The following PPARD variants were observed in gnomAD, a reference collection of about 807,000 sequenced individuals.
PPARD encodes peroxisome proliferator activated receptor delta, also known as peroxisome proliferator-activated receptor delta.
A neutral mutation model predicts 39.5 loss-of-function variants in PPARD; 6 were observed. The ratio of observed to expected loss-of-function variants is 0.15; its 90% CI spans 0.08 to 0.30. PPARD has a LOEUF of 0.30. Ranked by LOEUF, PPARD falls within the 10% of genes least tolerant of loss-of-function variation. The pLI is 1.00. For synonymous variants in PPARD, 210 were observed against 231.3 expected (o/e 0.91, Z 0.83); for missense variants, 397 against 596.8 (o/e 0.67, Z 3.49).
intron 2 of PPARD, among the ~76,000 whole-genome samples, chr6:35,386,534 G>C (rs1763671147): frequency 6.6e-6 from 1 of 151,928 alleles, no homozygotes. Context: ...TTGGTACTTG[G>C]CTTTTTGGAT....
intron 2 of PPARD, among the ~76,000 whole-genome samples, chr6:35,384,618 G>T (rs1763458882): frequency 1.4e-5 from 1 of 69,128 alleles, no homozygotes; most frequent in Admixed American, 1.2e-4. Flanking sequence ...AGGTGGGGGG[G>T]TCAGGCCCCG....
At chr6:35,419,723 A>G (rs1766015059) in intron 3 of PPARD, among the ~76,000 whole-genome samples, 1 of 152,148 alleles carries the variant, frequency 6.6e-6, no homozygotes, top group African/African-American at 2.4e-5. Flanking sequence ...CACGGTGGCA[A>G]CCTCTGAACC....
intron 3 of PPARD, among the ~76,000 whole-genome samples, chr6:35,411,730 T>C (rs913605869): frequency 6.6e-6 from 1 of 152,210 alleles, no homozygotes; most frequent in Non-Finnish European, 1.5e-5. Context: ...TCAACTAATA[T>C]TATTTTTATG....
At chr6:35,357,876 A>G (rs1761711415) in intron 2 of PPARD, among the ~76,000 whole-genome samples, 1 of 152,154 alleles carries the variant, frequency 6.6e-6, no homozygotes, top group Non-Finnish European at 1.5e-5. Context: ...AGTTAAAGAA[A>G]GACCCTGGCC....
chr6:35,371,436 T>C (rs1762479109), intron 2 of PPARD, among the ~76,000 whole-genome samples: 2 of 152,142 alleles, frequency 1.3e-5, no homozygotes, highest in Non-Finnish European at 2.9e-5. Flanking sequence ...AAAGTTCTTT[T>C]CTCCTGAAAA....
At chr6:35,375,219 T>TC (rs1253965831) in intron 2 of PPARD, among the ~76,000 whole-genome samples, 1 of 133,220 alleles carries the variant, frequency 7.5e-6, no homozygotes, top group African/African-American at 2.9e-5. Flanking sequence ...GTTTTTTTTT[T>TC]TTTTTTTTTT....
chr6:35,383,853 TGA>T (rs1763329835), intron 2 of PPARD, among the ~76,000 whole-genome samples: 1 of 140,950 alleles, frequency 7.1e-6, no homozygotes, highest in African/African-American at 2.9e-5. Flanking sequence ...GTCTGAGAAA[TGA>T]GGAGCCTCTC....
chr6:35,414,687 C>T (rs1765638998), intron 3 of PPARD, among the ~76,000 whole-genome samples: 1 of 152,188 alleles, frequency 6.6e-6, no homozygotes, highest in African/African-American at 2.4e-5. Flanking sequence ...GTATGTGACA[C>T]ATCGCAGGTC....
At chr6:35,420,076 G>T in intron 3 of PPARD, 51 bp from the exon 4 acceptor site, 1 of 1,590,354 alleles carries the variant, frequency 6.3e-7, no homozygotes, top group Non-Finnish European at 8.5e-7. Context: ...CCACGCCCTG[G>T]CTTCCAGGCC....
chr6:35,368,848 G>A (rs1194066764), intron 2 of PPARD, among the ~76,000 whole-genome samples: 2 of 152,190 alleles, frequency 1.3e-5, no homozygotes, highest in African/African-American at 4.8e-5. Flanking sequence ...TGTTTGCAGA[G>A]AGTAGCAAGC....
chr6:35,385,335 C>A (rs1285237997), intron 2 of PPARD, among the ~76,000 whole-genome samples: 1 of 148,314 alleles, frequency 6.7e-6, no homozygotes, highest in Admixed American at 6.7e-5. Flanking sequence ...GACCTTACCC[C>A]CAACCCTGTG....
At chr6:35,416,606 G>T (rs1380236949) in intron 3 of PPARD, among the ~76,000 whole-genome samples, 1 of 152,044 alleles carries the variant, frequency 6.6e-6, no homozygotes, top group East Asian at 1.9e-4. Context: ...AGATGAAATG[G>T]GTGTCCAATG....
In PPARD at chr6:35,377,874, T is replaced by TTTTTTTTTTTTTTTTTTTC. The variant is rs1445981698; in HGVS notation, c.-102+30732_-102+30733insTTTTTTTTTTCTTTTTTTT. 9.8e-4 allele frequency among the ~76,000 whole-genome samples: 140 copies of TTTTTTTTTTTTTTTTTTTC among 142,190 alleles called. 9 individuals carry two copies. The highest frequency in any genetic ancestry group is 4.1e-3 in the African/African-American group (136 of 33,096). The allele number at this position is 142,190 out of a possible 152,430, so 93.3% of individuals were successfully genotyped here. A position where few individuals can be genotyped will look rare whatever the true frequency, so the allele number is the denominator to read the frequency against. ...GGGTCGCTGCTTGTTTACGTATCTTTTTTTTTTTGAGACAGAGTGTTGCTC... is the reference window on the plus strand; with the variant it reads ...GGGTCGCTGCTTGTTTACGTATCTTTTTTTTTTTTTTTTTTTTTCTTTTTTTTGAGACAGAGTGTTGCTC... On this transcript the variant is annotated intron_variant, in intron 2 of 7. Transcript: ENST00000360694.
rs540687692 is a variant in PPARD, at chr6:35,377,871, C to CTTTTTTTTTTTTTT, written c.-102+30732_-102+30733insTTTTTTTTTTTTTT. ...TGTGGGTCGCTGCTTGTTTACGTAT[C>CTTTTTTTTTTTTTT]TTTTTTTTTTTGAGACAGAGTGTTG... On this transcript the variant is annotated intron_variant, in intron 2 of 7. Coordinates refer to ENST00000360694, the MANE Select transcript of PPARD (RefSeq NM_006238.5). 9.3e-3 allele frequency among the ~76,000 whole-genome samples: 1,113 copies of CTTTTTTTTTTTTTT among 120,230 alleles called. 140 individuals are homozygous for CTTTTTTTTTTTTTT. The highest frequency in any genetic ancestry group is 0.038 in the African/African-American group (855 of 22,752). The allele number at this position is 120,230 out of a possible 152,430, so 78.9% of individuals were successfully genotyped here.
At chr6:35,399,725 C>T (rs891255598) in intron 2 of PPARD, among the ~76,000 whole-genome samples, 3 of 152,304 alleles carry the variant, frequency 2.0e-5, no homozygotes, top group African/African-American at 4.8e-5. Context: ...TCACCTACCA[C>T]CCTCTTCATA....
rs1162377321 is a variant in PPARD, at chr6:35,408,648, G to A, written c.-101-2339G>A. On this transcript the variant is annotated intron_variant, in intron 2 of 7. Transcript: ENST00000360694. Reference sequence around the variant, plus strand: ...TGCCACTAGTGGAGACCATGCGAGTGGGCAGCCGATTGCTTGGCTCTGGGG... The same window carrying A: ...TGCCACTAGTGGAGACCATGCGAGTAGGCAGCCGATTGCTTGGCTCTGGGG... Among the ~76,000 whole-genome samples the A allele has an allele frequency of 2.0e-5, 3 of 152,240 alleles. No homozygotes were observed. In the East Asian group the frequency reaches 5.8e-4, roughly 29 times the overall value.
rs1220344420 is a variant in PPARD at position 35,424,552 on chromosome 6, A to G, written c.851A>G (p.Tyr284Cys). The G allele has an allele frequency of 6.2e-7, 1 of 1,614,224 alleles. No individual in the cohort carries two copies. Among genetic ancestry groups the G allele is most frequent in the Non-Finnish European group, 8.5e-7 (1 of 1,180,026 alleles). Residue 284 changes from tyrosine to cysteine, a missense_variant, in exon 7 of 8, where the codon TAT (tyrosine) becomes TGT (cysteine). Transcript: ENST00000360694. This position sits in a 1 kb window ranked among gnomAD's most constrained non-coding sequence, Gnocchi z 7.1. ...AACGACCAGGTTACCCTTCTCAAGTATGGCGTGCACGAGGCCATCTTCGCC... is the reference window on the plus strand; with the variant it reads ...AACGACCAGGTTACCCTTCTCAAGTGTGGCGTGCACGAGGCCATCTTCGCC... ...FLNDQVTLLK[Y>C]GVHEAIFAML...
At chr6:35,384,933 A>C (rs1486024025) in intron 2 of PPARD, among the ~76,000 whole-genome samples, 204 of 101,074 alleles carry the variant, frequency 2.0e-3, no homozygotes, top group Middle Eastern at 0.013. Flanking sequence ...CCCCTCTGCC[A>C]GGCCAGCCGC....
chr6:35,354,028 T>C (rs1374310728), intron 2 of PPARD, among the ~76,000 whole-genome samples: 2 of 151,862 alleles, frequency 1.3e-5, no homozygotes, highest in Non-Finnish European at 2.9e-5. Context: ...GTCAGGAGAT[T>C]GAGACCATCC....
Sources: allele counts gnomAD v4.1 joint callset (sites outside exome capture counted in the v4.1 genomes callset), GRCh38; gene constraint gnomAD v4.1.1; non-coding constraint Gnocchi (gnomAD v3.1); transcripts MANE v1.5; gene names NCBI Gene and HGNC (gene_info 2026-07-23, HGNC 2026-07-21).